The following FAM81A variants were observed in gnomAD, a reference collection of about 807,000 sequenced individuals.
FAM81A encodes family with sequence similarity 81 member A.
Under a neutral mutation model 46.7 loss-of-function variants are expected in FAM81A, and 19 were observed. The ratio of observed to expected loss-of-function variants is 0.41; its 90% CI spans 0.28 to 0.60. FAM81A has a LOEUF of 0.60. Ranked by LOEUF, FAM81A falls within the 20% of genes least tolerant of loss-of-function variation. FAM81A has a pLI of 0.34. For missense variants in FAM81A, 377 were observed against 453.5 expected, an observed-to-expected ratio of 0.83 and a Z score of 1.53; for synonymous variants, 183 against 152.9, an observed-to-expected ratio of 1.20 and a Z score of -1.45.
intron 1 of FAM81A, among the ~76,000 whole-genome samples, chr15:59,442,618 C>CAAAAAAAAAAAAAAAA (rs1196305104): frequency 1.1e-3 from 83 of 76,526 alleles, no homozygotes; most frequent in Non-Finnish European, 1.5e-3. Context: ...CTCCGTCTCT[C>CAAAAAAAAAAAAAAAA]AAAAAAAAAA....
At chr15:59,449,673 G>A (rs1004487891) in intron 1 of FAM81A, among the ~76,000 whole-genome samples, 1 of 149,910 alleles carries the variant, frequency 6.7e-6, no homozygotes, top group East Asian at 2.0e-4. Flanking sequence ...TCCCAGCTAC[G>A]CGGGAGGCTG....
At chr15:59,412,120 GC>G (rs1398792885) in intron 2 of FAM81A, among the ~76,000 whole-genome samples, 2 of 152,052 alleles carry the variant, frequency 1.3e-5, no homozygotes, top group Non-Finnish European at 2.9e-5. Flanking sequence ...GGGGCTGTTG[GC>G]CTAGATCTGC....
At chr15:59,467,816 C>A (rs1316287320) in intron 3 of FAM81A, among the ~76,000 whole-genome samples, 1 of 152,150 alleles carries the variant, frequency 6.6e-6, no homozygotes, top group Non-Finnish European at 1.5e-5. Context: ...TCCAGTTTTG[C>A]CCATTCAGTA....
intron 2 of FAM81A, among the ~76,000 whole-genome samples, chr15:59,411,806 C>G (rs2081121750): frequency 6.6e-6 from 1 of 152,090 alleles, no homozygotes; most frequent in Non-Finnish European, 1.5e-5. Flanking sequence ...CCAGCTGAGT[C>G]TGGGGGCTGA....
intron 7 of FAM81A, among the ~76,000 whole-genome samples, chr15:59,516,350 G>A (rs544839899): frequency 1.3e-5 from 2 of 152,054 alleles, no homozygotes; most frequent in South Asian, 2.1e-4. Context: ...GGCTTGTCTC[G>A]AACTCCTGAC....
Position 59,443,528 on chromosome 15 carries a change from G to A in FAM81A, c.-78+5246G>A, listed in dbSNP as rs564597754. 2.0e-5 allele frequency among the ~76,000 whole-genome samples: 3 copies of A among 152,262 alleles called. No individual in the cohort carries two copies. In the South Asian group the frequency reaches 6.2e-4, roughly 32 times the overall value. On this transcript the variant is annotated intron_variant, in intron 1 of 8. Transcript: ENST00000288228. ...CTCGTGAACCTTGACACGTTTGAAG[G>A]GTGCAGGTCAGTTATGTAGTAGAAT...
At chr15:59,453,719 C>T (rs1267617915) in intron 1 of FAM81A, among the ~76,000 whole-genome samples, 6 of 149,270 alleles carry the variant, frequency 4.0e-5, no homozygotes, top group Admixed American at 1.3e-4. Flanking sequence ...GAAGAGGACT[C>T]AATGGTGGGG....
intron 6 of FAM81A, 32 bp downstream of exon 6, chr15:59,509,001 T>C (rs1480507528): frequency 3.9e-6 from 6 of 1,533,764 alleles, no homozygotes; most frequent in Non-Finnish European, 2.7e-6. Context: ...AAAATAAAAC[T>C]TAAAGTTCTT....
intron 1 of FAM81A, among the ~76,000 whole-genome samples, chr15:59,448,541 G>GATAGATAGATAGATAGA (rs1555428230): frequency 4.1e-4 from 63 of 151,922 alleles, no homozygotes; most frequent in South Asian, 1.9e-3. Flanking sequence ...AGATAGATAG[G>GATAGATAGATAGATAGA]TAGATAGATA....
chr15:59,442,093 G>A (rs2081304357), intron 1 of FAM81A, among the ~76,000 whole-genome samples: 1 of 152,182 alleles, frequency 6.6e-6, no homozygotes, highest in Non-Finnish European at 1.5e-5. Context: ...ACCTGGGAAA[G>A]GGACTCCACC....
intron 1 of FAM81A, chr15:59,439,836 G>A (rs566165810): frequency 6.6e-6 from 1 of 152,298 alleles, no homozygotes; most frequent in South Asian, 2.1e-4. Context: ...AACGTTATTA[G>A]CGCATTATTC....
At chr15:59,470,025 G>A (rs1264840245) in intron 3 of FAM81A, among the ~76,000 whole-genome samples, 1 of 152,154 alleles carries the variant, frequency 6.6e-6, no homozygotes, top group Non-Finnish European at 1.5e-5. Flanking sequence ...TAAGAATGTT[G>A]ATTATTGGCC....
At chr15:59,468,355 G>A (rs1176338671) in intron 3 of FAM81A, among the ~76,000 whole-genome samples, 1 of 152,014 alleles carries the variant, frequency 6.6e-6, no homozygotes, top group African/African-American at 2.4e-5. Context: ...TTTTTGACTG[G>A]TGGCCTATTT....
At chr15:59,455,631 C>A (rs1319413927) in intron 1 of FAM81A, among the ~76,000 whole-genome samples, 1 of 152,170 alleles carries the variant, frequency 6.6e-6, no homozygotes, top group African/African-American at 2.4e-5. Flanking sequence ...TAAAGGGCAC[C>A]CATTCTGAAT....
chr15:59,458,543 T>G lies in FAM81A; in HGVS notation c.-77-7T>G. The G allele has an allele frequency of 6.2e-7, 1 of 1,603,106 alleles. No homozygotes were observed. Among genetic ancestry groups the G allele is most frequent in the Non-Finnish European group, 8.5e-7 (1 of 1,172,748 alleles). ...GTTAAATAATTTAGTGCTTATTTTTTCAACAGATGTGAATTATTAAAAAGA... is the reference window on the plus strand; with the variant it reads ...GTTAAATAATTTAGTGCTTATTTTTGCAACAGATGTGAATTATTAAAAAGA... On this transcript the variant is annotated splice_region_variant and splice_polypyrimidine_tract_variant and intron_variant, in intron 1 of 8. Transcript: ENST00000288228.
At chr15:59,416,817 G>A (rs1305317218) in intron 2 of FAM81A, among the ~76,000 whole-genome samples, 2 of 152,130 alleles carry the variant, frequency 1.3e-5, no homozygotes, top group African/African-American at 2.4e-5. Context: ...AAAGGGTGCT[G>A]GAACCATTCT....
intron 2 of FAM81A, among the ~76,000 whole-genome samples, chr15:59,431,027 G>A (rs1007128163): frequency 6.6e-6 from 1 of 152,078 alleles, no homozygotes; most frequent in African/African-American, 2.4e-5. Flanking sequence ...TAACTAAGAT[G>A]TTATTCTAAG....
At chr15:59,420,697 C>CTTTTT (rs1229003890) in intron 2 of FAM81A, among the ~76,000 whole-genome samples, 4 of 212 alleles carry the variant, frequency 0.019, 2 homozygotes, top group African/African-American at 0.019. Flanking sequence ...AAGGAAGGCT[C>CTTTTT]TTTTTTTTTT....
chr15:59,432,407 C>A (rs1333427239), intron 2 of FAM81A, among the ~76,000 whole-genome samples: 1 of 152,220 alleles, frequency 6.6e-6, no homozygotes, highest in Non-Finnish European at 1.5e-5. Flanking sequence ...TTGATATGTG[C>A]TGTCCTTGGG....
Sources: allele counts gnomAD v4.1 joint callset (sites outside exome capture counted in the v4.1 genomes callset), GRCh38; gene constraint gnomAD v4.1.1; transcripts MANE v1.5; gene names NCBI Gene and HGNC (gene_info 2026-07-23, HGNC 2026-07-21).